Variants in BEND6 observed in about 807,000 individuals in gnomAD.
BEND6 encodes the protein BEN domain-containing protein 6.
Under a neutral mutation model 31.8 loss-of-function variants are expected in BEND6, and 24 were observed. The observed-to-expected ratio is 0.75, with a 90% CI of 0.55 to 1.06. The LOEUF (loss-of-function observed/expected upper bound fraction) is 1.06. Among genes scored for constraint, BEND6 ranks in the 50% least tolerant of loss-of-function variants. The pLI, the probability that BEND6 is intolerant of heterozygous loss-of-function variation, is 0.00. For missense variants in BEND6, 294 were observed against 327.4 expected (o/e 0.90, Z 0.79); for synonymous variants, 109 against 114.6 (o/e 0.95, Z 0.31).
chr6:57,019,928 A>C (rs1306511978), intron 6 of BEND6, among the ~76,000 whole-genome samples: 1 of 152,088 alleles, frequency 6.6e-6, no homozygotes, highest in African/African-American at 2.4e-5. Context: ...CCCCATCTTT[A>C]TAAAATACGG....
chr6:57,009,943 C>G (rs73455821), intron 3 of BEND6: 1 of 152,056 alleles, frequency 6.6e-6, no homozygotes, highest in African/African-American at 2.4e-5. Context: ...GGTAACCAAA[C>G]AGTTGATAAG....
At chr6:56,978,340 C>G (rs188908979) in intron 1 of BEND6, among the ~76,000 whole-genome samples, 1 of 151,664 alleles carries the variant, frequency 6.6e-6, no homozygotes, top group African/African-American at 2.4e-5. Context: ...TTTTTGTATA[C>G]TCACAGTATT....
chr6:56,993,515 T>G (rs1393105823), intron 3 of BEND6, among the ~76,000 whole-genome samples: 4 of 152,148 alleles, frequency 2.6e-5, no homozygotes, highest in Non-Finnish European at 2.9e-5. Flanking sequence ...GGAGACAGAA[T>G]AGTAATAAGA....
intron 6 of BEND6, among the ~76,000 whole-genome samples, chr6:57,025,611 C>T (rs1299308491): frequency 3.3e-5 from 5 of 152,220 alleles, no homozygotes; most frequent in African/African-American, 1.2e-4. Flanking sequence ...TGAACAGGCA[C>T]TCTGATTTGG....
intron 3 of BEND6, chr6:57,008,408 T>C (rs1303229266): frequency 3.3e-6 from 2 of 599,622 alleles, no homozygotes; most frequent in Non-Finnish European, 5.9e-6. Context: ...AACTATTTGC[T>C]CAATGTCAAG....
chr6:56,959,684 A>C (rs1249798500), intron 1 of BEND6, among the ~76,000 whole-genome samples: 1 of 152,198 alleles, frequency 6.6e-6, no homozygotes. Context: ...TTAATATTTG[A>C]GTTTTTGAAA....
chr6:56,987,714 G>A (rs969348111), intron 2 of BEND6, among the ~76,000 whole-genome samples: 1 of 152,140 alleles, frequency 6.6e-6, no homozygotes, highest in African/African-American at 2.4e-5. Flanking sequence ...CTGGGCAGTA[G>A]AGGCTTTCTT....
At chr6:57,020,294 T>G (rs932546079) in intron 6 of BEND6, among the ~76,000 whole-genome samples, 2 of 150,800 alleles carry the variant, frequency 1.3e-5, no homozygotes, top group African/African-American at 4.9e-5. Context: ...TTTTTTTTTT[T>G]GAAACAGTGT....
chr6:57,010,004 G>T (rs1255046876), intron 3 of BEND6: 1 of 151,764 alleles, frequency 6.6e-6, no homozygotes, highest in Non-Finnish European at 1.5e-5. Flanking sequence ...AAAATAATTA[G>T]AATATCACTA....
At chr6:56,973,777 CAG>C (rs1471123191) in intron 1 of BEND6, among the ~76,000 whole-genome samples, 1 of 152,088 alleles carries the variant, frequency 6.6e-6, no homozygotes, top group African/African-American at 2.4e-5. Flanking sequence ...TTTTTTGAGA[CAG>C]GGTCTCATTC....
At chr6:56,974,776 GA>G (rs1391868952) in intron 1 of BEND6, among the ~76,000 whole-genome samples, 3 of 151,822 alleles carry the variant, frequency 2.0e-5, no homozygotes, top group Non-Finnish European at 4.4e-5. Flanking sequence ...TATTGTTCAG[GA>G]AACAGTTTAC....
chr6:57,000,108 G>C (rs1826873492), intron 3 of BEND6, among the ~76,000 whole-genome samples: 1 of 152,184 alleles, frequency 6.6e-6, no homozygotes. Context: ...CGACCATCGA[G>C]AACGGGCCAT....
chr6:57,013,323 G>C (rs182487299), intron 3 of BEND6, among the ~76,000 whole-genome samples: 1 of 152,316 alleles, frequency 6.6e-6, no homozygotes, highest in African/African-American at 2.4e-5. Context: ...CAGAGTCTGG[G>C]AGGTTTCCAC....
chr6:57,025,029 G>A (rs1827860183), intron 6 of BEND6, among the ~76,000 whole-genome samples: 1 of 152,126 alleles, frequency 6.6e-6, no homozygotes, highest in South Asian at 2.1e-4. Flanking sequence ...TTCAGCAAAT[G>A]TATTTCTCAA....
intron 6 of BEND6, among the ~76,000 whole-genome samples, chr6:57,024,840 T>C (rs996565693): frequency 7.9e-5 from 12 of 152,188 alleles, no homozygotes; most frequent in South Asian, 6.2e-4. Flanking sequence ...TAATAATAAG[T>C]CTTCGATTTG....
chr6:57,021,245 A>G (rs1439183907), intron 6 of BEND6, among the ~76,000 whole-genome samples: 1 of 152,258 alleles, frequency 6.6e-6, no homozygotes, highest in Non-Finnish European at 1.5e-5. Context: ...AGGGTCAGGT[A>G]AGACCTAATT....
intron 3 of BEND6, among the ~76,000 whole-genome samples, chr6:57,000,578 A>C (rs1053891606): frequency 8.0e-5 from 12 of 149,998 alleles, no homozygotes; most frequent in East Asian, 2.0e-4. Flanking sequence ...AAATACTAAA[A>C]AAACAAACAA....
At chr6:56,957,876 T>C (rs992493085) in intron 1 of BEND6, among the ~76,000 whole-genome samples, 1 of 152,174 alleles carries the variant, frequency 6.6e-6, no homozygotes, top group East Asian at 1.9e-4. Context: ...CTCAACCAAA[T>C]TGGGAATAGA....
chr6:56,967,535 G>A (rs1249320043), intron 1 of BEND6, among the ~76,000 whole-genome samples: 1 of 152,120 alleles, frequency 6.6e-6, no homozygotes, highest in East Asian at 1.9e-4. Context: ...GAGTTCGGGA[G>A]CCCAAACAGG....
Sources: allele counts gnomAD v4.1 joint callset (sites outside exome capture counted in the v4.1 genomes callset), GRCh38; gene constraint gnomAD v4.1.1; transcripts MANE v1.5; gene names NCBI Gene and HGNC (gene_info 2026-07-23, HGNC 2026-07-21).